The following TNR variants were observed in gnomAD, a reference collection of about 807,000 sequenced individuals.
The protein encoded by TNR is tenascin-R.
In TNR, 45 loss-of-function variants were observed where a neutral mutation model predicts 150.4. The ratio of observed to expected loss-of-function variants is 0.30; its 90% CI spans 0.24 to 0.38. The LOEUF (loss-of-function observed/expected upper bound fraction) is 0.38, where lower values mean the gene tolerates loss of function less well. TNR is among the 10% of genes least tolerant of loss of function. TNR has a pLI of 1.00. For synonymous variants in TNR, 687 were observed against 678.4 expected, an observed-to-expected ratio of 1.01 and a Z score of -0.20; for missense variants, 1,544 against 1,759.1, an observed-to-expected ratio of 0.88 and a Z score of 2.19.
At chr1:175,714,973 G>A (rs1035193738) in intron 1 of TNR, among the ~76,000 whole-genome samples, 2 of 152,140 alleles carry the variant, frequency 1.3e-5, no homozygotes, top group African/African-American at 4.8e-5. Context: ...TGGACACAAA[G>A]CCAACCCTTC....
Position 175,451,216 on chromosome 1 carries a change from TA to T in TNR, c.-63-44440del, listed in dbSNP as rs562761676. Among the ~76,000 whole-genome samples the T allele has an allele frequency of 8.1e-3, 1,149 of 142,290 alleles. 13 individuals are homozygous for T. Among genetic ancestry groups the T allele is most frequent in the African/African-American group, 0.018 (654 of 36,540 alleles). The allele number at this position is 142,290 out of a possible 152,430, so 93.3% of individuals were successfully genotyped here. On this transcript the variant is annotated intron_variant, in intron 2 of 22. Coordinates refer to ENST00000367674, the MANE Select transcript of TNR (RefSeq NM_003285.3). ...AAGCACCTGGTTAGTTTTTTTTTTT[TA>T]ATGTTTTTATTTTTTTATTATACTT... is the stretch of plus-strand genomic sequence containing the variant.
chr1:175,589,324 G>A (rs540560720), intron 1 of TNR, among the ~76,000 whole-genome samples: 8 of 152,174 alleles, frequency 5.3e-5, no homozygotes, highest in African/African-American at 1.9e-4. Flanking sequence ...TGAACCAAAA[G>A]GCAGATAATA....
intron 2 of TNR, among the ~76,000 whole-genome samples, chr1:175,512,216 C>CT (rs1351297289): frequency 6.6e-6 from 1 of 152,174 alleles, no homozygotes; most frequent in East Asian, 1.9e-4. Flanking sequence ...GAGGAGCACC[C>CT]TCTCCAAAGG....
At chr1:175,395,232 C>T (rs1653369251) in intron 5 of TNR, among the ~76,000 whole-genome samples, 1 of 152,136 alleles carries the variant, frequency 6.6e-6, no homozygotes. Flanking sequence ...TCCTTGCATC[C>T]TTCAAAGGTC....
chr1:175,641,444 A>T (rs752479002), intron 1 of TNR, among the ~76,000 whole-genome samples: 18 of 152,210 alleles, frequency 1.2e-4, no homozygotes, highest in Non-Finnish European at 2.1e-4. Context: ...TAATTATCCT[A>T]AGTGTCCTTA....
intron 1 of TNR, among the ~76,000 whole-genome samples, chr1:175,602,277 C>T (rs1663269636): frequency 6.6e-6 from 1 of 150,962 alleles, no homozygotes; most frequent in Admixed American, 6.6e-5. Flanking sequence ...CTACTCATTC[C>T]TCTCTATATC....
chr1:175,600,686 C>T (rs982515791), intron 1 of TNR, among the ~76,000 whole-genome samples: 18 of 152,352 alleles, frequency 1.2e-4, no homozygotes, highest in East Asian at 1.2e-3. Flanking sequence ...TGAAGCTATG[C>T]TCCCTGGCGT....
At chr1:175,375,476 T>TG (rs3216195) in intron 9 of TNR, among the ~76,000 whole-genome samples, 30,084 of 151,350 alleles carry the variant, frequency 0.2, 3,184 homozygotes, top group African/African-American at 0.27. Flanking sequence ...CAGAGAATAA[T>TG]GGGGGGGGAG....
At chr1:175,360,225 G>A (rs1253684085) in intron 14 of TNR, among the ~76,000 whole-genome samples, 1 of 152,210 alleles carries the variant, frequency 6.6e-6, no homozygotes, top group African/African-American at 2.4e-5. Context: ...CTCCATAGGG[G>A]CAGGAGTATC....
chr1:175,574,298 C>A (rs144698100), intron 1 of TNR, among the ~76,000 whole-genome samples: 1 of 152,162 alleles, frequency 6.6e-6, no homozygotes, highest in South Asian at 2.1e-4. Context: ...AATGAAAAGA[C>A]GTCCTGTCCC....
intron 1 of TNR, among the ~76,000 whole-genome samples, chr1:175,575,802 G>A (rs1350350051): frequency 1.3e-5 from 2 of 152,176 alleles, no homozygotes; most frequent in Admixed American, 6.5e-5. Context: ...GGTAAAAGTT[G>A]CTGTCCCCAC....
At chr1:175,712,424 A>G (rs1013664949) in intron 1 of TNR, among the ~76,000 whole-genome samples, 9 of 152,170 alleles carry the variant, frequency 5.9e-5, no homozygotes, top group African/African-American at 2.2e-4. Flanking sequence ...GAGTCCAAGC[A>G]AGAGGTGACA....
chr1:175,486,639 A>T (rs1404460806), intron 2 of TNR, among the ~76,000 whole-genome samples: 3 of 152,252 alleles, frequency 2.0e-5, no homozygotes, highest in Non-Finnish European at 2.9e-5. Flanking sequence ...GTATATACCC[A>T]GTAATGGGAT....
chr1:175,545,171 G>C (rs1166986035), intron 1 of TNR, among the ~76,000 whole-genome samples: 1 of 152,180 alleles, frequency 6.6e-6, no homozygotes, highest in African/African-American at 2.4e-5. Flanking sequence ...AAAGAATAAT[G>C]CCTCAGAAAA....
intron 1 of TNR, among the ~76,000 whole-genome samples, chr1:175,578,954 A>G (rs1384759105): frequency 6.6e-6 from 1 of 152,134 alleles, no homozygotes; most frequent in Non-Finnish European, 1.5e-5. Context: ...GCCCTGTCTC[A>G]ACTCACCAAG....
intron 2 of TNR, among the ~76,000 whole-genome samples, chr1:175,417,014 A>AGAAAGAAAGAAAGAAAGAAAGAAG (rs1557920120): frequency 1.2e-5 from 1 of 82,994 alleles, no homozygotes; most frequent in African/African-American, 4.4e-5. Context: ...TCTCAAAAAA[A>AGAAAGAAAGAAAGAAAGAAAGAAG]GAAAGAAAGA....
intron 1 of TNR, among the ~76,000 whole-genome samples, chr1:175,605,902 T>C (rs1012204759): frequency 2.0e-5 from 3 of 152,168 alleles, no homozygotes; most frequent in African/African-American, 7.2e-5. Flanking sequence ...CTCTCTGCTG[T>C]TTGGTCTGTC....
intron 2 of TNR, among the ~76,000 whole-genome samples, chr1:175,456,669 G>A (rs1445480922): frequency 6.6e-6 from 1 of 152,062 alleles, no homozygotes; most frequent in African/African-American, 2.4e-5. Flanking sequence ...ACATCCTAGA[G>A]CCATGTCTAA....
At chr1:175,664,312 G>A (rs1558061860) in intron 1 of TNR, among the ~76,000 whole-genome samples, 1 of 152,228 alleles carries the variant, frequency 6.6e-6, no homozygotes, top group Non-Finnish European at 1.5e-5. Context: ...ATCAGAAGGG[G>A]CAGAGTGGTA....
Sources: allele counts gnomAD v4.1 joint callset (sites outside exome capture counted in the v4.1 genomes callset), GRCh38; gene constraint gnomAD v4.1.1; transcripts MANE v1.5; gene names NCBI Gene and HGNC (gene_info 2026-07-23, HGNC 2026-07-21).